Variants in IL1RAPL2 observed in about 807,000 individuals in gnomAD.
IL1RAPL2 encodes X-linked interleukin-1 receptor accessory protein-like 2.
In IL1RAPL2, 3 loss-of-function variants were observed where a neutral mutation model predicts 44.1. The ratio of observed to expected loss-of-function variants is 0.07; its 90% CI spans 0.03 to 0.18. The LOEUF is 0.18. Ranked by LOEUF, IL1RAPL2 falls within the 10% of genes least tolerant of loss-of-function variation. The probability of loss-of-function intolerance (pLI) is 1.00; values close to 1 mark genes in which losing one functional copy is unlikely to be tolerated. For synonymous variants in IL1RAPL2, 181 were observed against 178.8 expected, an observed-to-expected ratio of 1.01 and a Z score of -0.10; for missense variants, 391 against 496.4, an observed-to-expected ratio of 0.79 and a Z score of 2.02.
At chrX:105,317,994 A>G (rs1252734903) in intron 5 of IL1RAPL2, among the ~76,000 whole-genome samples, 1 of 105,945 alleles carries the variant, frequency 9.4e-6, no homozygotes, top group Non-Finnish European at 1.9e-5. Flanking sequence ...TTTTTTAAAG[A>G]CGAAGTCTCG....
intron 6 of IL1RAPL2, among the ~76,000 whole-genome samples, chrX:105,674,999 G>T (rs1602515191): frequency 9.0e-6 from 1 of 110,541 alleles, no homozygotes; most frequent in East Asian, 2.9e-4. Context: ...TGTGACTTCT[G>T]CACATTGACT....
chrX:105,689,917 A>G (rs369783930), intron 6 of IL1RAPL2, among the ~76,000 whole-genome samples: 5 of 111,896 alleles, frequency 4.5e-5, no homozygotes, highest in African/African-American at 1.6e-4. Flanking sequence ...TGTCCTTTGC[A>G]GGGACATGGA....
Position 105,657,470 on chromosome X carries a change from T to C in IL1RAPL2, c.773-59897T>C, listed in dbSNP as rs1367939511. On this transcript the variant is annotated intron_variant, in intron 6 of 10. Transcript: ENST00000372582. ...GACCAACTTTGTGTTTTCTCATCCA[T>C]CTGTATCTTGATATTGTGAACATGT... Among the ~76,000 whole-genome samples the C allele has an allele frequency of 6.2e-5, 7 of 112,225 alleles. No individual in the cohort carries two copies. In the East Asian group the frequency reaches 1.4e-3, roughly 22 times the overall value.
At chrX:104,683,128 A>C (rs28726092) in intron 2 of IL1RAPL2, among the ~76,000 whole-genome samples, 5,878 of 111,147 alleles carry the variant, frequency 0.053, 409 homozygotes, top group African/African-American at 0.18. Flanking sequence ...TGGGATGTAC[A>C]CTTGCTGTAT....
intron 5 of IL1RAPL2, among the ~76,000 whole-genome samples, chrX:105,276,129 G>A (rs1003486593): frequency 3.5e-5 from 4 of 112,913 alleles, no homozygotes; most frequent in African/African-American, 1.3e-4. Context: ...AATGCGGCCA[G>A]GCACGGTGGC....
intron 2 of IL1RAPL2, among the ~76,000 whole-genome samples, chrX:104,706,497 T>G (rs1931365142): frequency 8.9e-6 from 1 of 111,931 alleles, no homozygotes; most frequent in South Asian, 3.7e-4. Context: ...ACAGCTCTTT[T>G]CACATAGTAA....
At chrX:105,092,082 T>A (rs2032549537) in intron 2 of IL1RAPL2, among the ~76,000 whole-genome samples, 1 of 110,831 alleles carries the variant, frequency 9.0e-6, no homozygotes, top group Admixed American at 9.7e-5. Context: ...CTTTTCAATG[T>A]TTTTTTTATT....
chrX:105,509,717 C>G (rs1193185358), intron 6 of IL1RAPL2, among the ~76,000 whole-genome samples: 2 of 111,257 alleles, frequency 1.8e-5, no homozygotes, highest in Admixed American at 1.9e-4. Context: ...TAGCACTGGT[C>G]TCTAAAAGCA....
At chrX:105,514,264 G>A (rs764151287) in intron 6 of IL1RAPL2, among the ~76,000 whole-genome samples, 15 of 111,331 alleles carry the variant, frequency 1.3e-4, no homozygotes, top group Admixed American at 1.2e-3. Context: ...AGCAATAAGC[G>A]TTGGAACCCT....
chrX:104,697,316 C>T (rs1169539256), intron 2 of IL1RAPL2, among the ~76,000 whole-genome samples: 1 of 112,448 alleles, frequency 8.9e-6, no homozygotes, highest in Admixed American at 9.4e-5. Flanking sequence ...GAGGTGCTTT[C>T]TGGAGAACAC....
chrX:105,435,987 C>T (rs1357225936), intron 5 of IL1RAPL2, among the ~76,000 whole-genome samples: 2 of 110,468 alleles, frequency 1.8e-5, no homozygotes, highest in African/African-American at 3.3e-5. Flanking sequence ...AGCAAACCAC[C>T]GTGGCACATG....
chrX:105,089,550 C>T (rs900104798), intron 2 of IL1RAPL2, among the ~76,000 whole-genome samples: 4 of 111,053 alleles, frequency 3.6e-5, no homozygotes, highest in East Asian at 2.8e-4. Flanking sequence ...TCCCCTACTC[C>T]GCCTCCACAA....
intron 2 of IL1RAPL2, among the ~76,000 whole-genome samples, chrX:104,721,787 C>G (rs1931681924): frequency 9.0e-6 from 1 of 111,574 alleles, no homozygotes; most frequent in Non-Finnish European, 1.9e-5. Context: ...CTTTAAGACT[C>G]AAAAACTCAT....
chrX:104,705,051 G>A (rs1170243906), intron 2 of IL1RAPL2, among the ~76,000 whole-genome samples: 1 of 111,693 alleles, frequency 9.0e-6, no homozygotes, highest in East Asian at 2.8e-4. Context: ...CATTGGAGGG[G>A]GAGGAGAAGG....
chrX:104,799,172 T>C (rs1336367109), intron 2 of IL1RAPL2, among the ~76,000 whole-genome samples: 1 of 108,647 alleles, frequency 9.2e-6, no homozygotes, highest in Non-Finnish European at 1.9e-5. Flanking sequence ...CAAACCCAGG[T>C]CTATATGACC....
chrX:104,759,683 C>T (rs765774328), intron 2 of IL1RAPL2, among the ~76,000 whole-genome samples: 1 of 110,950 alleles, frequency 9.0e-6, no homozygotes, highest in East Asian at 2.8e-4. Context: ...TTTGTGGATA[C>T]ATAGTAGATG....
intron 2 of IL1RAPL2, among the ~76,000 whole-genome samples, chrX:104,872,675 G>C (rs1333702877): frequency 9.0e-6 from 1 of 111,490 alleles, no homozygotes; most frequent in Non-Finnish European, 1.9e-5. Context: ...GGTCACCTGA[G>C]AGTGACTAGA....
intron 5 of IL1RAPL2, among the ~76,000 whole-genome samples, chrX:105,475,638 T>G (rs1371143628): frequency 1.8e-5 from 2 of 108,807 alleles, no homozygotes; most frequent in African/African-American, 6.7e-5. Context: ...AGAAAAATCT[T>G]ACTTGAGGGG....
chrX:105,212,739 A>G (rs1225273272), intron 3 of IL1RAPL2, among the ~76,000 whole-genome samples: 1 of 112,213 alleles, frequency 8.9e-6, no homozygotes, highest in Non-Finnish European at 1.9e-5. Flanking sequence ...TCCAGCTGGC[A>G]TCAGGTTGGT....
Sources: allele counts gnomAD v4.1 joint callset (sites outside exome capture counted in the v4.1 genomes callset), GRCh38; gene constraint gnomAD v4.1.1; transcripts MANE v1.5; gene names NCBI Gene and HGNC (gene_info 2026-07-23, HGNC 2026-07-21).